Variants in SGCZ observed in about 807,000 individuals in gnomAD.
SGCZ encodes sarcoglycan zeta.
SGCZ carries 40 observed loss-of-function variants against 41.3 expected under a neutral mutation model. The ratio of observed to expected loss-of-function variants is 0.97; its 90% CI spans 0.75 to 1.26. The LOEUF is 1.26. Among genes scored for constraint, SGCZ ranks in the 50% most tolerant of loss-of-function variants. The pLI is 0.00. For missense variants in SGCZ, 552 were observed against 369.8 expected (o/e 1.49, Z -4.04); for synonymous variants, 206 against 137.5 (o/e 1.50, Z -3.49).
chr8:15,157,088 T>C (rs886243443), intron 1 of SGCZ, among the ~76,000 whole-genome samples: 1 of 152,124 alleles, frequency 6.6e-6, no homozygotes, highest in African/African-American at 2.4e-5. Flanking sequence ...TGAGCATACA[T>C]ACCTGTACCC....
At chr8:15,204,932 A>G (rs1400505218) in intron 1 of SGCZ, among the ~76,000 whole-genome samples, 1 of 152,210 alleles carries the variant, frequency 6.6e-6, no homozygotes, top group Non-Finnish European at 1.5e-5. Context: ...TGAAACCTGA[A>G]TGAATGAACT....
chr8:14,222,862 G>A (rs1176175473), intron 4 of SGCZ, among the ~76,000 whole-genome samples: 1 of 135,574 alleles, frequency 7.4e-6, no homozygotes, highest in African/African-American at 2.8e-5. Context: ...GCCCAGGCTG[G>A]TGTGCAGTGG....
intron 1 of SGCZ, among the ~76,000 whole-genome samples, chr8:14,617,196 AAAGT>A (rs373722108): frequency 6.6e-6 from 1 of 152,300 alleles, no homozygotes; most frequent in African/African-American, 2.4e-5. Context: ...AAAGAAAGTA[AAAGT>A]AAGTATTAAT....
chr8:14,486,684 C>T (rs1159545512), intron 2 of SGCZ, among the ~76,000 whole-genome samples: 1 of 152,132 alleles, frequency 6.6e-6, no homozygotes, highest in Non-Finnish European at 1.5e-5. Context: ...AGCAATGCTG[C>T]GCCTCAGCCT....
intron 1 of SGCZ, among the ~76,000 whole-genome samples, chr8:14,999,719 T>G (rs1367156377): frequency 6.6e-6 from 1 of 152,160 alleles, no homozygotes; most frequent in African/African-American, 2.4e-5. Flanking sequence ...CAATCTTCAG[T>G]GCACACCCCA....
At chr8:14,929,226 C>T (rs1324286792) in intron 1 of SGCZ, among the ~76,000 whole-genome samples, 7 of 152,056 alleles carry the variant, frequency 4.6e-5, no homozygotes, top group African/African-American at 1.7e-4. Context: ...CTCCTGACCT[C>T]GTGATCCACC....
chr8:14,385,078 T>C (rs1172667317), intron 2 of SGCZ, among the ~76,000 whole-genome samples: 1 of 152,200 alleles, frequency 6.6e-6, no homozygotes. Context: ...GATGTGCTGA[T>C]AGATGATTAA....
chr8:14,931,245 T>C (rs887849542), intron 1 of SGCZ, among the ~76,000 whole-genome samples: 40 of 152,168 alleles, frequency 2.6e-4, no homozygotes, highest in African/African-American at 9.2e-4. Flanking sequence ...AAAAAAAATC[T>C]CATTTTATTC....
intron 4 of SGCZ, among the ~76,000 whole-genome samples, chr8:14,212,600 T>C (rs941676087): frequency 2.0e-5 from 3 of 151,684 alleles, no homozygotes; most frequent in African/African-American, 7.3e-5. Flanking sequence ...AAATAGAAGA[T>C]TTCAATAGGA....
intron 1 of SGCZ, among the ~76,000 whole-genome samples, chr8:15,027,008 A>G (rs2130952184): frequency 6.6e-6 from 1 of 152,324 alleles, no homozygotes; most frequent in South Asian, 2.1e-4. Flanking sequence ...TGACAGAATC[A>G]TGAATGAGGG....
In SGCZ at chr8:14,317,028, G is replaced by T. The variant is rs147000088; in HGVS notation, c.336+7075C>A. ...TCAGACCAAAAAATCTTGACATCAT[G>T]TTACATTTACTCTTCCTCTTAACAT... On this transcript the variant is annotated intron_variant, in intron 3 of 7. Transcript: ENST00000382080. Among the ~76,000 whole-genome samples, 221 of 151,958 alleles carry T rather than the reference G, an allele frequency of 1.5e-3. 1 individual carries two copies. Among genetic ancestry groups the T allele is most frequent in the African/African-American group, 5.3e-3 (219 of 41,474 alleles).
intron 1 of SGCZ, among the ~76,000 whole-genome samples, chr8:15,048,353 G>C (rs1182791915): frequency 6.6e-6 from 1 of 151,968 alleles, no homozygotes; most frequent in Non-Finnish European, 1.5e-5. Flanking sequence ...AAGATGAAGA[G>C]AGGTTGGTTA....
At chr8:15,184,787 C>T (rs1800286801) in intron 1 of SGCZ, among the ~76,000 whole-genome samples, 1 of 152,128 alleles carries the variant, frequency 6.6e-6, no homozygotes, top group Admixed American at 6.5e-5. Flanking sequence ...GATGTTGATT[C>T]TTCCTTTTAC....
At chr8:14,975,809 A>ATATATATATATATGTG (rs1181919961) in intron 1 of SGCZ, among the ~76,000 whole-genome samples, 13 of 131,916 alleles carry the variant, frequency 9.9e-5, no homozygotes, top group Non-Finnish European at 1.2e-4. Context: ...ATATATATAT[A>ATATATATATATATGTG]TGTGTGTGTG....
At chr8:14,469,406 T>C (rs965912849) in intron 2 of SGCZ, among the ~76,000 whole-genome samples, 3 of 152,074 alleles carry the variant, frequency 2.0e-5, no homozygotes, top group Non-Finnish European at 2.9e-5. Context: ...CACATATGCA[T>C]GGAACATACC....
intron 1 of SGCZ, among the ~76,000 whole-genome samples, chr8:14,797,021 A>T (rs1410117261): frequency 2.0e-5 from 3 of 152,170 alleles, no homozygotes; most frequent in African/African-American, 7.2e-5. Flanking sequence ...TTTATTTATA[A>T]ATTACCCAGT....
chr8:14,787,511 C>T (rs1351344499), intron 1 of SGCZ, among the ~76,000 whole-genome samples: 1 of 152,046 alleles, frequency 6.6e-6, no homozygotes, highest in Non-Finnish European at 1.5e-5. Flanking sequence ...TGGAATCACT[C>T]TTTAAAAACA....
At position 14,311,137 on chromosome 8, in the gene SGCZ, C is replaced by T. The variant is rs57573852; in HGVS notation, c.336+12966G>A. 3.4e-3 allele frequency among the ~76,000 whole-genome samples: 516 copies of T among 152,080 alleles called. 3 individuals carry two copies. Among genetic ancestry groups the T allele is most frequent in the African/African-American group, 0.012 (491 of 41,496 alleles). ...TCCAATCCAACCATTCCTCATAGCCCGATTCAAATTTGTCCATATAGAAAC... is the reference window on the plus strand; with the variant it reads ...TCCAATCCAACCATTCCTCATAGCCTGATTCAAATTTGTCCATATAGAAAC... On this transcript the variant is annotated intron_variant, in intron 3 of 7. Transcript: ENST00000382080.
At chr8:15,021,236 G>T (rs1244336655) in intron 1 of SGCZ, among the ~76,000 whole-genome samples, 3 of 152,292 alleles carry the variant, frequency 2.0e-5, no homozygotes, top group Non-Finnish European at 4.4e-5. Context: ...AAAGAAAAAA[G>T]AAGTGCAATT....
Sources: allele counts gnomAD v4.1 joint callset (sites outside exome capture counted in the v4.1 genomes callset), GRCh38; gene constraint gnomAD v4.1.1; transcripts MANE v1.5; gene names NCBI Gene and HGNC (gene_info 2026-07-23, HGNC 2026-07-21).